The following MTA3 variants were observed in gnomAD, a reference collection of about 807,000 sequenced individuals.
The protein encoded by MTA3 is metastasis associated 1 family member 3.
Under a neutral mutation model 83.5 loss-of-function variants are expected in MTA3, and 34 were observed. The ratio of observed to expected loss-of-function variants is 0.41; its 90% confidence interval spans 0.31 to 0.54. The LOEUF (loss-of-function observed/expected upper bound fraction) is 0.54. MTA3 is among the 20% of genes least tolerant of loss of function. The pLI is 0.33. For synonymous variants in MTA3, 303 were observed against 252.7 expected (o/e 1.20, Z -1.89); for missense variants, 761 against 726.4 (o/e 1.05, Z -0.55).
At chr2:42,604,999 G>A (rs1042162301) in intron 3 of MTA3, among the ~76,000 whole-genome samples, 3 of 150,286 alleles carry the variant, frequency 2.0e-5, no homozygotes, top group Non-Finnish European at 4.4e-5. Context: ...ACACAGACAC[G>A]GCAACCATCC....
At position 42,755,740 on chromosome 2, in the gene MTA3, T is replaced by C. The variant is rs1026776387; in HGVS notation, c.*2341T>C. The stretch of plus-strand genomic sequence containing the variant: ...ACCCGCTCCCTTTCTGGGGCCATGG[T>C]GTCCCTGCTGTGTGTCAGTGGCATG... On this transcript the variant is annotated 3_prime_UTR_variant, in exon 17 of 17. Coordinates refer to ENST00000405094, the MANE Select transcript of MTA3 (RefSeq NM_001330442.2). The C allele has an allele frequency of 9.1e-6, 9 of 985,456 alleles. No homozygotes were observed. The highest frequency in any genetic ancestry group is 1.1e-5 in the Non-Finnish European group (9 of 830,082). 61.0% of individuals were successfully genotyped at this position (985,456 alleles called of 1,614,324 possible).
At chr2:42,682,031 A>AC (rs1007864110) in intron 8 of MTA3, among the ~76,000 whole-genome samples, 1 of 151,542 alleles carries the variant, frequency 6.6e-6, no homozygotes, top group African/African-American at 2.4e-5. Flanking sequence ...ACATAGCGAG[A>AC]CCCCCATCTC....
Position 42,664,466 on chromosome 2 carries a change from C to CTTTTTTTTTTTTTTTTTTTTTTTTTTTT in MTA3, c.702+4605_702+4632dup, listed in dbSNP as rs35633597. On this transcript the variant is annotated intron_variant, in intron 8 of 16. Coordinates refer to ENST00000405094, the MANE Select transcript of MTA3 (RefSeq NM_001330442.2). ...CCTACTACCCCCTCACCCCGCTTACCTTTTTTTTTTTTTTTTTTTTTTTTT... is the reference window on the plus strand; with the variant it reads ...CCTACTACCCCCTCACCCCGCTTACCTTTTTTTTTTTTTTTTTTTTTTTTTTTTTTTTTTTTTTTTTTTTTTTTTTTTT... 1.5e-4 allele frequency among the ~76,000 whole-genome samples: 13 copies of CTTTTTTTTTTTTTTTTTTTTTTTTTTTT among 85,758 alleles called. 6 individuals are homozygous for CTTTTTTTTTTTTTTTTTTTTTTTTTTTT. Among genetic ancestry groups the CTTTTTTTTTTTTTTTTTTTTTTTTTTTT allele is most frequent in the African/African-American group, 3.3e-4 (7 of 21,052 alleles). 56.3% of individuals were successfully genotyped at this position (85,758 alleles called of 152,430 possible).
intron 8 of MTA3, among the ~76,000 whole-genome samples, chr2:42,667,818 TA>T (rs1199176412): frequency 6.6e-6 from 1 of 152,160 alleles, no homozygotes; most frequent in African/African-American, 2.4e-5. Flanking sequence ...TAATGCTAAG[TA>T]ATAATACATT....
chr2:42,625,101 G>A (rs893069794), intron 4 of MTA3, among the ~76,000 whole-genome samples: 1 of 151,758 alleles, frequency 6.6e-6, no homozygotes, highest in African/African-American at 2.4e-5. Flanking sequence ...GCGCCATCTC[G>A]GCTCACTGCA....
chr2:42,738,423 C>G (rs933644140), intron 16 of MTA3, among the ~76,000 whole-genome samples: 2 of 152,206 alleles, frequency 1.3e-5, no homozygotes, highest in African/African-American at 4.8e-5. Context: ...TTCATGGACA[C>G]TTACCACTTC....
At chr2:42,597,172 A>C (rs1427321061) in intron 3 of MTA3, among the ~76,000 whole-genome samples, 1 of 151,840 alleles carries the variant, frequency 6.6e-6, no homozygotes, top group Non-Finnish European at 1.5e-5. Flanking sequence ...TCGGCCTACC[A>C]AAGAATTGGG....
intron 4 of MTA3, among the ~76,000 whole-genome samples, chr2:42,617,732 T>C (rs1685071747): frequency 1.3e-5 from 2 of 151,668 alleles, no homozygotes; most frequent in Non-Finnish European, 2.9e-5. Context: ...GCTGAGATTG[T>C]ACCATTTCAC....
chr2:42,657,619 A>G (rs917267907), intron 7 of MTA3, among the ~76,000 whole-genome samples: 6 of 152,110 alleles, frequency 3.9e-5, no homozygotes, highest in African/African-American at 7.2e-5. Flanking sequence ...TTTGTTTTCA[A>G]TATTTGTTTT....
chr2:42,748,738 C>A (rs908723002), intron 16 of MTA3, among the ~76,000 whole-genome samples: 3 of 152,108 alleles, frequency 2.0e-5, no homozygotes, highest in African/African-American at 7.2e-5. Flanking sequence ...TCACTGCGCC[C>A]AGCCAGTCCA....
intron 3 of MTA3, among the ~76,000 whole-genome samples, chr2:42,584,192 G>A (rs1279035761): frequency 2.0e-5 from 3 of 152,000 alleles, no homozygotes; most frequent in Admixed American, 2.0e-4. Context: ...CTTTCATCAT[G>A]TACAAGCAGA....
intron 4 of MTA3, among the ~76,000 whole-genome samples, chr2:42,622,997 A>G (rs1685729241): frequency 6.6e-6 from 1 of 152,264 alleles, no homozygotes; most frequent in African/African-American, 2.4e-5. Context: ...AGAGATTCAC[A>G]AGTATAATAC....
intron 2 of MTA3, among the ~76,000 whole-genome samples, chr2:42,507,955 A>T (rs1275990533): frequency 6.7e-6 from 1 of 149,356 alleles, no homozygotes. Flanking sequence ...AAAAAAAAAA[A>T]AAGAAAGAAA....
intron 4 of MTA3, among the ~76,000 whole-genome samples, chr2:42,615,504 C>T (rs1019342292): frequency 2.1e-4 from 32 of 151,204 alleles, no homozygotes; most frequent in African/African-American, 7.3e-4. Flanking sequence ...TACAGGCATG[C>T]GCCAGCGTGC....
At chr2:42,630,671 GT>G (rs1409687796) in intron 4 of MTA3, among the ~76,000 whole-genome samples, 2 of 151,928 alleles carry the variant, frequency 1.3e-5, no homozygotes, top group Non-Finnish European at 2.9e-5. Context: ...GGTTTTTTTA[GT>G]CTTTTGCTGT....
At chr2:42,572,245 C>G (rs1288010469) in intron 2 of MTA3, among the ~76,000 whole-genome samples, 1 of 151,960 alleles carries the variant, frequency 6.6e-6, no homozygotes, top group Admixed American at 6.6e-5. Flanking sequence ...CGCCACTGCC[C>G]TCCAGCCTGG....
intron 14 of MTA3, among the ~76,000 whole-genome samples, chr2:42,714,336 T>A (rs940026165): frequency 2.0e-5 from 3 of 152,150 alleles, no homozygotes; most frequent in Admixed American, 6.5e-5. Flanking sequence ...GACTTTATGG[T>A]GTATTTGCCA....
At chr2:42,512,604 A>G (rs1674955834) in intron 2 of MTA3, among the ~76,000 whole-genome samples, 1 of 152,314 alleles carries the variant, frequency 6.6e-6, no homozygotes, top group East Asian at 1.9e-4. Context: ...GACAATTAGA[A>G]CAAATGTCAG....
At chr2:42,585,040 T>C (rs934873808) in intron 3 of MTA3, among the ~76,000 whole-genome samples, 3 of 148,178 alleles carry the variant, frequency 2.0e-5, no homozygotes, top group African/African-American at 7.5e-5. Context: ...CAAGCAATTC[T>C]CCTGTCTCAG....
Sources: gnomAD v4.1 joint callset for allele counts (sites outside exome capture counted in the v4.1 genomes callset) on GRCh38, gnomAD v4.1.1 for gene constraint, MANE v1.5 for transcripts, NCBI Gene and HGNC (gene_info 2026-07-23, HGNC 2026-07-21) for gene names.